RALA: variants seen among roughly 807,000 people sequenced by gnomAD.
RALA encodes the protein RAS like proto-oncogene A.
In RALA, 5 loss-of-function variants were observed where a neutral mutation model predicts 24.0. The ratio of observed to expected loss-of-function variants is 0.21; its 90% CI spans 0.11 to 0.44. RALA has a LOEUF of 0.44. RALA is among the 20% of genes least tolerant of loss of function. The pLI, the probability that RALA is intolerant of heterozygous loss-of-function variation, is 0.99. For missense variants in RALA, 95 were observed against 241.2 expected, an observed-to-expected ratio of 0.39 and a Z score of 4.01; for synonymous variants, 77 against 83.8, an observed-to-expected ratio of 0.92 and a Z score of 0.44.
intron 1 of RALA, among the ~76,000 whole-genome samples, chr7:39,641,680 A>G (rs1791820267): frequency 6.6e-6 from 1 of 152,032 alleles, no homozygotes; most frequent in Non-Finnish European, 1.5e-5. Context: ...AGTAAGGATA[A>G]TTTTTTTTAA....
chr7:39,651,884 A>G (rs1792023994), intron 1 of RALA, among the ~76,000 whole-genome samples: 1 of 152,204 alleles, frequency 6.6e-6, no homozygotes, highest in Non-Finnish European at 1.5e-5. Flanking sequence ...ATTTTTTACT[A>G]TGATGAATAA....
chr7:39,699,392 G>A (rs1018729493), intron 4 of RALA, among the ~76,000 whole-genome samples: 9 of 151,498 alleles, frequency 5.9e-5, no homozygotes, highest in African/African-American at 1.2e-4. Flanking sequence ...CACCCGCCTC[G>A]GCCTCCCAAA....
intron 1 of RALA, among the ~76,000 whole-genome samples, chr7:39,631,005 G>GTTTTTTTT (rs1451395283): frequency 8.6e-6 from 1 of 115,906 alleles, no homozygotes; most frequent in African/African-American, 3.7e-5. Context: ...CTGGTTTTTT[G>GTTTTTTTT]TTTTTGTTTT....
At chr7:39,679,803 CGG>C (rs1410991923) in intron 1 of RALA, among the ~76,000 whole-genome samples, 1 of 151,944 alleles carries the variant, frequency 6.6e-6, no homozygotes, top group African/African-American at 2.4e-5. Context: ...CTCTGCCTCC[CGG>C]TTTCAAGTGA....
At chr7:39,624,656 C>G (rs984565301) in intron 1 of RALA, among the ~76,000 whole-genome samples, 1 of 152,054 alleles carries the variant, frequency 6.6e-6, no homozygotes, top group Non-Finnish European at 1.5e-5. Flanking sequence ...ACCTGAATGT[C>G]CAGACTTGTA....
intron 3 of RALA, among the ~76,000 whole-genome samples, chr7:39,693,864 G>A (rs1169334771): frequency 6.6e-6 from 1 of 152,202 alleles, no homozygotes; most frequent in Non-Finnish European, 1.5e-5. Flanking sequence ...GTGAAGAATG[G>A]AGTTTACTTT....
At chr7:39,669,604 G>A (rs1792345221) in intron 1 of RALA, among the ~76,000 whole-genome samples, 1 of 151,950 alleles carries the variant, frequency 6.6e-6, no homozygotes, top group South Asian at 2.1e-4. Context: ...TTGAGGCCAG[G>A]AGTTCAAGAC....
chr7:39,633,287 T>C (rs1434396321), intron 1 of RALA, among the ~76,000 whole-genome samples: 1 of 151,970 alleles, frequency 6.6e-6, no homozygotes, highest in Non-Finnish European at 1.5e-5. Flanking sequence ...AGAAAAGAGG[T>C]TTAATTAACT....
In RALA at chr7:39,699,189, G is replaced by A. The variant is rs987284351; in HGVS notation, c.498+2330G>A. Among the ~76,000 whole-genome samples, 11 of 130,960 alleles carry A rather than the reference G, an allele frequency of 8.4e-5. No individual in the cohort carries two copies. The South Asian group carries it at 1.3e-3, about 15-fold the overall frequency. 85.9% of individuals were successfully genotyped at this position (130,960 alleles called of 152,430 possible). A position where few individuals can be genotyped will look rare whatever the true frequency, so the allele number is the denominator to read the frequency against. ...CGCTCTGTCGCCCAGGCCGGACTGC[G>A]GACTGCAGTGGCGCAATCTCGGCTC... On this transcript the variant is annotated intron_variant, in intron 4 of 4. Coordinates refer to ENST00000005257, the MANE Select transcript of RALA (RefSeq NM_005402.4).
rs750646976 is a variant in RALA, at chr7:39,706,106, AT to A, written c.499-9del. The A allele has an allele frequency of 1.4e-5, 23 of 1,587,024 alleles. No homozygotes were observed. Among genetic ancestry groups the A allele is most frequent in the Admixed American group, 3.6e-5 (2 of 55,858 alleles). On this transcript the variant is annotated splice_polypyrimidine_tract_variant and intron_variant, in intron 4 of 4. Coordinates refer to ENST00000005257, the MANE Select transcript of RALA (RefSeq NM_005402.4). ...TGTATCTGTTTGCTTTATTTATCCT[AT>A]TTTTTTTCTTTCTAGGTATTTTTTG...
intron 1 of RALA, among the ~76,000 whole-genome samples, chr7:39,685,694 T>C (rs1431104916): frequency 6.6e-6 from 1 of 151,568 alleles, no homozygotes; most frequent in Non-Finnish European, 1.5e-5. Flanking sequence ...TTAAGTTAGA[T>C]TGGCCAGCCA....
intron 1 of RALA, among the ~76,000 whole-genome samples, chr7:39,647,911 T>C (rs1382774985): frequency 6.6e-6 from 1 of 152,238 alleles, no homozygotes; most frequent in Non-Finnish European, 1.5e-5. Context: ...TTCAGTGTTA[T>C]TATTGAAAAC....
In RALA at chr7:39,697,761, TA is replaced by T. The variant is rs528360677; in HGVS notation, c.498+911del. ...AACCCTGATCCAGAAAGTACTAGGT[TA>T]AAAAAAAAGTTTGAGATTTGTTCTG... On this transcript the variant is annotated intron_variant, in intron 4 of 4. Transcript: ENST00000005257. 4.6e-5 allele frequency among the ~76,000 whole-genome samples: 7 copies of T among 151,564 alleles called. No individual in the cohort carries two copies. The East Asian group carries it at 9.7e-4, about 21-fold the overall frequency.
At chr7:39,665,433 G>T (rs746120061) in intron 1 of RALA, among the ~76,000 whole-genome samples, 2 of 152,074 alleles carry the variant, frequency 1.3e-5, no homozygotes, top group Non-Finnish European at 2.9e-5. Flanking sequence ...AGTCAAATAA[G>T]CATTTGTAGT....
intron 1 of RALA, among the ~76,000 whole-genome samples, chr7:39,633,788 G>A (rs1791639781): frequency 6.6e-6 from 1 of 152,194 alleles, no homozygotes; most frequent in African/African-American, 2.4e-5. Context: ...TCATCTGGCA[G>A]GAATGATTTG....
intron 4 of RALA, among the ~76,000 whole-genome samples, chr7:39,704,306 TCTTA>T (rs1562628121): frequency 6.6e-6 from 1 of 152,082 alleles, no homozygotes. Context: ...CTCTAGTCAG[TCTTA>T]CTTGTTTGTG....
intron 1 of RALA, among the ~76,000 whole-genome samples, chr7:39,625,062 A>G (rs552588134): frequency 6.6e-6 from 1 of 152,304 alleles, no homozygotes; most frequent in Admixed American, 6.5e-5. Flanking sequence ...TGTCCTACTT[A>G]TGACTGTTTC....
At chr7:39,685,310 C>T (rs1355762669) in intron 1 of RALA, among the ~76,000 whole-genome samples, 2 of 152,298 alleles carry the variant, frequency 1.3e-5, no homozygotes, top group African/African-American at 2.4e-5. Flanking sequence ...AAGTGAAAAA[C>T]AGAAGGAGAC....
At chr7:39,633,765 T>A (rs1791639296) in intron 1 of RALA, among the ~76,000 whole-genome samples, 1 of 152,200 alleles carries the variant, frequency 6.6e-6, no homozygotes, top group Non-Finnish European at 1.5e-5. Context: ...AGGTTTTATT[T>A]ATGCGAATCC....
Sources: allele counts gnomAD v4.1 joint callset (sites outside exome capture counted in the v4.1 genomes callset), GRCh38; gene constraint gnomAD v4.1.1; transcripts MANE v1.5; gene names NCBI Gene and HGNC (gene_info 2026-07-23, HGNC 2026-07-21).